The following PRKRA variants were observed in gnomAD, a reference collection of about 807,000 sequenced individuals.
The protein encoded by PRKRA is interferon-inducible double-stranded RNA-dependent protein kinase activator A.
In PRKRA, 22 loss-of-function variants were observed where a neutral mutation model predicts 32.4. The observed-to-expected ratio is 0.68, with a 90% CI of 0.49 to 0.97. PRKRA has a LOEUF of 0.97. Ranked by LOEUF, PRKRA falls within the 50% of genes least tolerant of loss-of-function variation. PRKRA has a pLI of 0.00. For missense variants in PRKRA, 319 were observed against 375.6 expected (o/e 0.85, Z 1.25); for synonymous variants, 139 against 129.8 (o/e 1.07, Z -0.48).
At chr2:178,450,699 G>GA (rs1483677822) in intron 1 of PRKRA, 15 of 1,408,132 alleles carry the variant, frequency 1.1e-5, no homozygotes, top group Non-Finnish European at 1.4e-5. Context: ...GCCTCTCAGG[G>GA]AAAACCTGAC....
intron 3 of PRKRA, 140 bp from the exon 4 acceptor site, chr2:178,444,640 T>C (rs1697249259): frequency 2.8e-6 from 2 of 714,334 alleles, no homozygotes; most frequent in Admixed American, 4.2e-5. Flanking sequence ...CTCAGACCTC[T>C]TCTATGGGAA....
Position 178,450,960 on chromosome 2 carries a change from G to T in PRKRA, c.65+6C>A. The T allele has an allele frequency of 6.5e-6, 5 of 772,656 alleles. No individual in the cohort carries two copies. The highest frequency in any genetic ancestry group is 9.0e-6 in the Non-Finnish European group (5 of 554,334). The allele number at this position is 772,656 out of a possible 1,614,324, so 47.9% of individuals were successfully genotyped here. A position where few individuals can be genotyped will look rare whatever the true frequency, so the allele number is the denominator to read the frequency against. Reference sequence around the variant, plus strand: ...GCCCTGGGGCCCTGACTGCCCGCACGCTGACCTGAAGGTCCCACTGTCCTC... The same window carrying T: ...GCCCTGGGGCCCTGACTGCCCGCACTCTGACCTGAAGGTCCCACTGTCCTC... On this transcript the variant is annotated splice_donor_region_variant and intron_variant, in intron 1 of 7. Coordinates refer to ENST00000325748, the MANE Select transcript of PRKRA (RefSeq NM_003690.5).
intron 6 of PRKRA, among the ~76,000 whole-genome samples, chr2:178,440,558 C>T (rs527266668): frequency 3.9e-5 from 6 of 152,168 alleles, no homozygotes; most frequent in Non-Finnish European, 8.8e-5. Context: ...CTTGCTATTG[C>T]CAAGTTTAAA....
chr2:178,443,669 C>A, intron 4 of PRKRA: 1 of 349,168 alleles, frequency 2.9e-6, no homozygotes, highest in Non-Finnish European at 5.5e-6. Context: ...AGGCTACTAC[C>A]GCCCTCTTTG....
rs1022231163 is a variant in PRKRA at position 178,432,002 on chromosome 2, C to T, written c.*95G>A. 8 of 1,374,322 alleles carry T rather than the reference C, an allele frequency of 5.8e-6. No homozygotes were observed. Among genetic ancestry groups the T allele is most frequent in the African/African-American group, 1.5e-5 (1 of 68,438 alleles). 85.1% of individuals were successfully genotyped at this position (1,374,322 alleles called of 1,614,324 possible). On this transcript the variant is annotated 3_prime_UTR_variant, in exon 8 of 8. Transcript: ENST00000325748. ...TGGAATCTATGAAGAGATTTAGAAA[C>T]AAGACATAAACACTACGGTAAAAGT...
At chr2:178,432,668 T>C (rs1018740225) in intron 7 of PRKRA, among the ~76,000 whole-genome samples, 1 of 152,194 alleles carries the variant, frequency 6.6e-6, no homozygotes, top group African/African-American at 2.4e-5. Flanking sequence ...GCTAGAGGAC[T>C]GGAGAGATTG....
chr2:178,444,929 G>A (rs1462881640), intron 3 of PRKRA, among the ~76,000 whole-genome samples: 1 of 152,004 alleles, frequency 6.6e-6, no homozygotes, highest in Non-Finnish European at 1.5e-5. Context: ...TACATAATAG[G>A]CATGCCATAA....
In PRKRA at chr2:178,447,713, G is replaced by A. The variant is rs1697375571; in HGVS notation, c.236-127C>T. The A allele has an allele frequency of 5.2e-6, 5 of 952,626 alleles. No individual in the cohort carries two copies. In the Admixed American group the frequency reaches 6.1e-5, roughly 12 times the overall value. 59.0% of individuals were successfully genotyped at this position (952,626 alleles called of 1,614,324 possible). Reference sequence around the variant, plus strand: ...TACACATACTAGGTAATAAAAATATGTACGTTATATACTGTACATAAAAAT... The same window carrying A: ...TACACATACTAGGTAATAAAAATATATACGTTATATACTGTACATAAAAAT... On this transcript the variant is annotated intron_variant, in intron 2 of 7. Coordinates refer to ENST00000325748, the MANE Select transcript of PRKRA (RefSeq NM_003690.5).
At chr2:178,441,769 C>T (rs548281768) in intron 5 of PRKRA, 65 bp from the exon 6 acceptor site, 20 of 1,300,166 alleles carry the variant, frequency 1.5e-5, no homozygotes, top group African/African-American at 2.9e-5. Context: ...GATGATCAAA[C>T]GTATGAAGTA....
chr2:178,438,657 A>G (rs998426866), intron 6 of PRKRA, among the ~76,000 whole-genome samples: 3 of 150,900 alleles, frequency 2.0e-5, no homozygotes, highest in Admixed American at 2.0e-4. Context: ...AACGTGTATC[A>G]AGGTCCAAAA....
At chr2:178,450,507 G>A in intron 1 of PRKRA, 96 bp from the exon 2 acceptor site, 1 of 1,571,450 alleles carries the variant, frequency 6.4e-7, no homozygotes. Flanking sequence ...CGGTGACGAG[G>A]GAGGCGCCGA....
At chr2:178,435,883 C>G (rs1696871499) in intron 7 of PRKRA, among the ~76,000 whole-genome samples, 1 of 152,184 alleles carries the variant, frequency 6.6e-6, no homozygotes, top group Non-Finnish European at 1.5e-5. Context: ...AATCTTAGAA[C>G]AGTGTCTGGC....
intron 3 of PRKRA, among the ~76,000 whole-genome samples, chr2:178,445,185 G>C (rs1259948124): frequency 3.3e-5 from 5 of 152,184 alleles, no homozygotes. Flanking sequence ...AGCAAGTGGG[G>C]ATTATGATTA....
chr2:178,448,160 T>C (rs1697393488), intron 2 of PRKRA, among the ~76,000 whole-genome samples: 2 of 152,184 alleles, frequency 1.3e-5, no homozygotes, highest in Admixed American at 1.3e-4. Context: ...TGACAGCTTG[T>C]TATGTATCTT....
At chr2:178,450,914 C>T in intron 1 of PRKRA, 52 bp downstream of exon 1, 4 of 1,221,236 alleles carry the variant, frequency 3.3e-6, no homozygotes, top group Non-Finnish European at 3.1e-6. Flanking sequence ...CGCGCCCCGG[C>T]CCTGCCGCCC....
chr2:178,441,749 G>A (rs1260128460), intron 5 of PRKRA, 45 bp from the exon 6 acceptor site: 1 of 901,810 alleles, frequency 1.1e-6, no homozygotes, highest in East Asian at 4.8e-5. Flanking sequence ...AGAAATTAGT[G>A]TCCACAGAGG....
At chr2:178,442,086 T>C (rs962210867) in intron 5 of PRKRA, among the ~76,000 whole-genome samples, 7 of 152,160 alleles carry the variant, frequency 4.6e-5, no homozygotes, top group African/African-American at 1.7e-4. Context: ...GGTTTTGCCA[T>C]GTTGGCCAGG....
chr2:178,431,750 A>G lies in PRKRA; in HGVS notation c.*347T>C, dbSNP rs1696659231. ...GAATTCCCTTTATAAAGCTTTGTGC[A>G]AAGAAGAGCTTAAGCACCAGTAAGA... On this transcript the variant is annotated 3_prime_UTR_variant, in exon 8 of 8. Transcript: ENST00000325748. 3.0e-6 allele frequency: 1 copy of G among 335,448 alleles called. No homozygotes were observed. Among genetic ancestry groups the G allele is most frequent in the African/African-American group, 2.1e-5 (1 of 46,882 alleles). The allele number at this position is 335,448 out of a possible 1,614,324, so 20.8% of individuals were successfully genotyped here.
chr2:178,435,375 C>A, intron 7 of PRKRA, among the ~76,000 whole-genome samples: 1 of 126,998 alleles, frequency 7.9e-6, no homozygotes, highest in Non-Finnish European at 1.6e-5. Flanking sequence ...AGAAACAATA[C>A]TCCGTCTCAA....
Sources: allele counts gnomAD v4.1 joint callset (sites outside exome capture counted in the v4.1 genomes callset), GRCh38; gene constraint gnomAD v4.1.1; transcripts MANE v1.5; gene names NCBI Gene and HGNC (gene_info 2026-07-23, HGNC 2026-07-21).